KCTD2: variants seen among roughly 807,000 people sequenced by gnomAD.
KCTD2 encodes the protein potassium channel tetramerization domain containing 2.
In KCTD2, 18 loss-of-function variants were observed where a neutral mutation model predicts 27.9. The ratio of observed to expected loss-of-function variants is 0.64; its 90% CI spans 0.45 to 0.96. The LOEUF (loss-of-function observed/expected upper bound fraction) is 0.96. KCTD2 is among the 40% of genes least tolerant of loss of function. The probability of loss-of-function intolerance (pLI) is 0.00; values close to 1 mark genes in which losing one functional copy is unlikely to be tolerated. For synonymous variants in KCTD2, 175 were observed against 148.4 expected (o/e 1.18, Z -1.30); for missense variants, 280 against 348.0 (o/e 0.80, Z 1.56).
At chr17:75,035,001 A>G (rs1221086813) in intron 2 of KCTD2, among the ~76,000 whole-genome samples, 2 of 152,014 alleles carry the variant, frequency 1.3e-5, no homozygotes, top group African/African-American at 2.4e-5. Flanking sequence ...GGCCAGAGGA[A>G]GGGTGAGCGC....
At chr17:75,037,611 T>C (rs2073116857) in intron 3 of KCTD2, among the ~76,000 whole-genome samples, 2 of 152,220 alleles carry the variant, frequency 1.3e-5, no homozygotes, top group Admixed American at 1.3e-4. Context: ...AGGACAATTC[T>C]TTCTACCACC....
At chr17:75,049,372 A>G in intron 2 of KCTD2, 44 bp downstream of exon 2, 1 of 1,210,084 alleles carries the variant, frequency 8.3e-7, no homozygotes, top group Non-Finnish European at 1.2e-6. Flanking sequence ...ATGCAAGTAG[A>G]ATCTTTAAAG....
At chr17:75,048,576 A>G (rs115521855) in intron 1 of KCTD2, among the ~76,000 whole-genome samples, 1,671 of 152,308 alleles carry the variant, frequency 0.011, 31 homozygotes, top group African/African-American at 0.039. Flanking sequence ...TATCTACTCT[A>G]TATCCTCCTT....
At chr17:75,041,402 G>C (rs1410900559) in intron 3 of KCTD2, 4 of 136,530 alleles carry the variant, frequency 2.9e-5, no homozygotes, top group African/African-American at 1.1e-4. Context: ...CCTGAGCCCA[G>C]AGTTTGAGAC....
At chr17:75,051,778 T>C (rs1363642089) in intron 2 of KCTD2, among the ~76,000 whole-genome samples, 2 of 152,158 alleles carry the variant, frequency 1.3e-5, no homozygotes, top group Non-Finnish European at 2.9e-5. Flanking sequence ...AGTACAGTTA[T>C]CAAACTCAGG....
chr17:75,048,144 T>C (rs947093331), intron 1 of KCTD2, among the ~76,000 whole-genome samples: 1 of 152,180 alleles, frequency 6.6e-6, no homozygotes, highest in South Asian at 2.1e-4. Flanking sequence ...CTGGTTTAGG[T>C]CCATATTTAG....
At chr17:75,043,577 C>T (rs1159682488), upstream of KCTD2, among the ~76,000 whole-genome samples, 1 of 147,034 alleles carries the variant, frequency 6.8e-6, no homozygotes, top group African/African-American at 2.5e-5. Context: ...AGCGCCATTG[C>T]ACTCCAGCCT....
intron 3 of KCTD2, among the ~76,000 whole-genome samples, chr17:75,055,200 G>A (rs1598125273): frequency 6.6e-6 from 1 of 151,980 alleles, no homozygotes; most frequent in African/African-American, 2.4e-5. Context: ...GATTACAGGT[G>A]TGTGCCACAA....
At chr17:75,049,451 A>G in intron 2 of KCTD2, 123 bp downstream of exon 2, 1 of 632,494 alleles carries the variant, frequency 1.6e-6, no homozygotes, top group Non-Finnish European at 2.8e-6. Flanking sequence ...TTTCAGGTTT[A>G]TGAAACAGAG....
Position 75,063,318 on chromosome 17 carries a change from T to G in KCTD2, c.*271T>G. The G allele has an allele frequency of 4.2e-6, 2 of 479,028 alleles. No homozygotes were observed. Among genetic ancestry groups the G allele is most frequent in the Non-Finnish European group, 7.6e-6 (2 of 264,138 alleles). 29.7% of individuals were successfully genotyped at this position (479,028 alleles called of 1,614,324 possible). The stretch of plus-strand genomic sequence containing the variant: ...TAGAACAGATCTTTACAACAGCAGC[T>G]GGGCTGGGTTCCCAGTCGGAGCCTT... On this transcript the variant is annotated 3_prime_UTR_variant, in exon 6 of 6. Transcript: ENST00000322444.
chr17:75,047,197 A>T, upstream of KCTD2: 1 of 542,898 alleles, frequency 1.8e-6, no homozygotes, highest in Non-Finnish European at 2.6e-6. Flanking sequence ...CCCTGCCGAG[A>T]AATGGGCCGG....
chr17:75,048,461 G>A (rs922297925), intron 1 of KCTD2, among the ~76,000 whole-genome samples: 1 of 152,160 alleles, frequency 6.6e-6, no homozygotes, highest in Non-Finnish European at 1.5e-5. Context: ...AACATTTGTT[G>A]TTTTCGTTTA....
At position 75,062,291 on chromosome 17, in the gene KCTD2, G is replaced by A. The variant is rs766112848; in HGVS notation, c.762+46G>A. 5 of 1,575,970 alleles carry A rather than the reference G, an allele frequency of 3.2e-6. No individual in the cohort carries two copies. The South Asian group carries it at 4.7e-5, about 15-fold the overall frequency. On this transcript the variant is annotated intron_variant, in intron 5 of 5. Coordinates refer to ENST00000322444, the MANE Select transcript of KCTD2 (RefSeq NM_015353.3). The stretch of plus-strand genomic sequence containing the variant: ...GCAGTTGCCTCTGGCTTGCTTGTTC[G>A]CACCCCCTCCGTGGGCTTTTCCTGA...
chr17:75,038,738 AC>A, intron 3 of KCTD2: 1 of 605,312 alleles, frequency 1.7e-6, no homozygotes, highest in Non-Finnish European at 2.8e-6. Context: ...AGCCCGTCAG[AC>A]AACCAGCCCA....
rs191655202 is a variant in KCTD2 at position 75,065,815 on chromosome 17, T to A, written c.*2768T>A. 6.6e-6 allele frequency: 1 copy of A among 152,198 alleles called. No individual in the cohort carries two copies. Among genetic ancestry groups the A allele is most frequent in the Non-Finnish European group, 1.5e-5 (1 of 68,052 alleles). 9.4% of individuals were successfully genotyped at this position (152,198 alleles called of 1,614,324 possible). ...CTGGTGGGCACCCTCTGTTCCTGTT[T>A]GTGTGTTTGAATAGTCTGAAATGCT... On this transcript the variant is annotated 3_prime_UTR_variant, in exon 6 of 6. Coordinates refer to ENST00000322444, the MANE Select transcript of KCTD2 (RefSeq NM_015353.3).
At chr17:75,054,002 T>C (rs1447234653) in intron 3 of KCTD2, among the ~76,000 whole-genome samples, 1 of 151,550 alleles carries the variant, frequency 6.6e-6, no homozygotes, top group Non-Finnish European at 1.5e-5. Flanking sequence ...AGCTGCTCTT[T>C]ATGATGGTGT....
At chr17:75,039,769 T>C (rs2073138997) in intron 3 of KCTD2, 2 of 334,076 alleles carry the variant, frequency 6.0e-6, no homozygotes, top group South Asian at 9.8e-5. Context: ...AAGAACACCA[T>C]TTGATAAGTT....
chr17:75,033,990 TC>T (rs2040089696), intron 1 of KCTD2: 1 of 152,160 alleles, frequency 6.6e-6, no homozygotes. Flanking sequence ...AGGTGAAAGT[TC>T]CTTTTACGGA....
upstream of KCTD2, chr17:75,046,912 A>C (rs190340264): frequency 3.6e-3 from 558 of 155,902 alleles, 12 homozygotes; most frequent in Admixed American, 0.031. Flanking sequence ...CCAATGCCCC[A>C]AGCCCCACTC....
Sources: allele counts gnomAD v4.1 joint callset (sites outside exome capture counted in the v4.1 genomes callset), GRCh38; gene constraint gnomAD v4.1.1; transcripts MANE v1.5; gene names NCBI Gene and HGNC (gene_info 2026-07-23, HGNC 2026-07-21).